The following EXOSC3 variants were observed in gnomAD, a reference collection of about 807,000 sequenced individuals.
EXOSC3 encodes the protein exosome component 3, also known as exosome complex component RRP40.
In EXOSC3, 18 loss-of-function variants were observed where a neutral mutation model predicts 25.1. The ratio of observed to expected loss-of-function variants is 0.72; its 90% CI spans 0.50 to 1.06. EXOSC3 has a LOEUF of 1.06. Ranked by LOEUF, EXOSC3 falls within the 50% of genes least tolerant of loss-of-function variation. The probability of loss-of-function intolerance (pLI) is 0.00; values close to 1 mark genes in which losing one functional copy is unlikely to be tolerated. For synonymous variants in EXOSC3, 165 were observed against 132.2 expected (o/e 1.25, Z -1.70); for missense variants, 382 against 350.9 (o/e 1.09, Z -0.71).
In EXOSC3 at chr9:37,784,770, C is replaced by T; in HGVS notation, c.275G>A (p.Gly92Asp). 3.1e-6 allele frequency: 5 copies of T among 1,605,816 alleles called. No homozygotes were observed. The highest frequency in any genetic ancestry group is 3.4e-6 in the Non-Finnish European group (4 of 1,178,426). The change falls in exon 1 of 4, where the codon GGC (glycine) becomes GAC (aspartate). Residue 92 changes from glycine (G) to aspartate (D), a missense_variant. Coordinates refer to ENST00000327304, the MANE Select transcript of EXOSC3 (RefSeq NM_016042.4). ...GTAAACACCGCCGCCGCTGCCACTG[C>T]CGGGCTCCTTGTGACGGAGGCGGCC... Reference protein sequence around the residue: ...KCGRLRHKEPGSGSGGGVYWV... With the variant: ...KCGRLRHKEPDSGSGGGVYWV...
chr9:37,782,194 T>C (rs932840251), intron 2 of EXOSC3, 57 bp from the exon 3 acceptor site: 77 of 1,589,390 alleles, frequency 4.8e-5, no homozygotes, highest in East Asian at 3.6e-4. Flanking sequence ...GGTGCTACTA[T>C]TGGTTCTTTC....
chr9:37,784,914 C>A lies in EXOSC3; in HGVS notation c.131G>T (p.Gly44Val). The change falls in exon 1 of 4, where the codon GGC becomes GTC. Residue 44 changes from glycine (G) to valine (V), a missense_variant. Gly to Val is a moderately radical substitution (Grantham distance 109). Coordinates refer to ENST00000327304, the MANE Select transcript of EXOSC3 (RefSeq NM_016042.4). ...CGGTCGCTCCACTGCACCCCCAGGG[C>A]CTTCCGCGTCCTCCTGTTCCGGCAG... is the stretch of plus-strand genomic sequence containing the variant. ...LLLPEQEDAE[G>V]PGGAVERPLS... 1 of 1,608,596 alleles carries A rather than the reference C, an allele frequency of 6.2e-7. No individual in the cohort carries two copies. The highest frequency in any genetic ancestry group is 1.1e-5 in the South Asian group (1 of 90,074).
chr9:37,783,585 T>C (rs1828639411), intron 2 of EXOSC3, among the ~76,000 whole-genome samples: 1 of 152,190 alleles, frequency 6.6e-6, no homozygotes, highest in Admixed American at 6.5e-5. Context: ...GTCCCTCCTC[T>C]AAGCCTACAG....
chr9:37,782,418 T>G (rs972721661), intron 2 of EXOSC3, among the ~76,000 whole-genome samples: 7 of 152,230 alleles, frequency 4.6e-5, no homozygotes, highest in African/African-American at 1.4e-4. Context: ...AGCCAATTGT[T>G]TAAACTTACA....
At position 37,784,181 on chromosome 9, in the gene EXOSC3, C is replaced by A. The variant is rs929757562; in HGVS notation, c.325-118G>T. The A allele has an allele frequency of 1.5e-5, 16 of 1,098,432 alleles. No individual in the cohort carries two copies. In the African/African-American group the frequency reaches 2.6e-4, roughly 18 times the overall value. The allele number at this position is 1,098,432 out of a possible 1,614,324, so 68.0% of individuals were successfully genotyped here. On this transcript the variant is annotated intron_variant, in intron 1 of 3. Coordinates refer to ENST00000327304, the MANE Select transcript of EXOSC3 (RefSeq NM_016042.4). ...CATTAAAGAGAAATCTGATCAAATG[C>A]CACTTTCGGTAAAAGAAAATCACTT... is the stretch of plus-strand genomic sequence containing the variant.
rs754046728 is a variant in EXOSC3, at chr9:37,785,040, G to A, written c.5C>T (p.Ala2Val). The part of the protein sequence containing the change: M[A>V]EPASVAAESL... Reference sequence around the variant, plus strand: ...TTCAGCCGCGACAGACGCAGGTTCGGCCATCGCGGGCTCCACCAAACACCG... The same window carrying A: ...TTCAGCCGCGACAGACGCAGGTTCGACCATCGCGGGCTCCACCAAACACCG... The change falls in exon 1 of 4, where the codon GCC (alanine) becomes GTC (valine). Residue 2 changes from alanine to valine, a missense_variant. Physicochemically the swap from Ala to Val is moderately conservative, Grantham distance 64 (BLOSUM62 0). Transcript: ENST00000327304. 41 of 1,594,752 alleles carry A rather than the reference G, an allele frequency of 2.6e-5. No individual in the cohort carries two copies. The highest frequency in any genetic ancestry group is 6.7e-5 in the Admixed American group (4 of 59,508).
At chr9:37,783,480 T>C (rs1355309919) in intron 2 of EXOSC3, among the ~76,000 whole-genome samples, 2 of 152,082 alleles carry the variant, frequency 1.3e-5, no homozygotes, top group Non-Finnish European at 2.9e-5. Context: ...AAAGCTCAAA[T>C]TGAAAACCCA....
intron 2 of EXOSC3, among the ~76,000 whole-genome samples, chr9:37,783,040 T>C (rs765813058): frequency 6.4e-4 from 98 of 152,202 alleles, no homozygotes; most frequent in Non-Finnish European, 1.2e-3. Context: ...GGGAACAGCA[T>C]GTGCAAATAA....
Position 37,784,866 on chromosome 9 carries a change from C to T in EXOSC3, c.179G>A (p.Cys60Tyr). 6.2e-7 allele frequency: 1 copy of T among 1,607,112 alleles called. No homozygotes were observed. Among genetic ancestry groups the T allele is most frequent in the Non-Finnish European group, 8.5e-7 (1 of 1,176,992 alleles). Residue 60 changes from cysteine (C) to tyrosine (Y), a missense_variant, in exon 1 of 4, where the codon TGC becomes TAC. Physicochemically the swap from Cys to Tyr is radical, Grantham distance 194. Coordinates refer to ENST00000327304, the MANE Select transcript of EXOSC3 (RefSeq NM_016042.4). The part of the protein sequence containing the change: ...ERPLSLNARA[C>Y]SRVRVVCGPG... ...ACCGCATACAACGCGCACCCGCGAG[C>T]ACGCTCTAGCATTCAGGCTCAACGG...
Position 37,780,505 on chromosome 9 carries a change from T to C in EXOSC3, c.*174A>G. The C allele has an allele frequency of 1.7e-6, 1 of 598,374 alleles. No individual in the cohort carries two copies. The highest frequency in any genetic ancestry group is 2.2e-5 in the South Asian group (1 of 46,296). 37.1% of individuals were successfully genotyped at this position (598,374 alleles called of 1,614,324 possible). On this transcript the variant is annotated 3_prime_UTR_variant, in exon 4 of 4. Coordinates refer to ENST00000327304, the MANE Select transcript of EXOSC3 (RefSeq NM_016042.4). ...CCGAACAAAAAAAATGATTTTGCAA[T>C]GATTTTCTCTCCCACAAAAGCGTGG... is the stretch of plus-strand genomic sequence containing the variant.
At chr9:37,781,479 C>G (rs1397685377) in intron 3 of EXOSC3, among the ~76,000 whole-genome samples, 1 of 150,996 alleles carries the variant, frequency 6.6e-6, no homozygotes, top group Non-Finnish European at 1.5e-5. Context: ...TTCTAAACAC[C>G]AAAAAGAGAA....
At chr9:37,784,087 A>T (rs779614399) in intron 1 of EXOSC3, 24 bp from the exon 2 acceptor site, 3 of 1,597,244 alleles carry the variant, frequency 1.9e-6, no homozygotes, top group Non-Finnish European at 2.6e-6. Flanking sequence ...CAGAATGAAA[A>T]AACAGCCATA....
intron 1 of EXOSC3, chr9:37,784,446 G>A: frequency 3.7e-6 from 2 of 533,626 alleles, no homozygotes; most frequent in Admixed American, 3.5e-5. Flanking sequence ...TGCCCTCTGA[G>A]ACTCCAAACG....
In EXOSC3 at chr9:37,780,588, CCTTAT is replaced by C. The variant is rs1322097682; in HGVS notation, c.*86_*90del. The C allele has an allele frequency of 3.0e-6, 3 of 1,005,030 alleles. No homozygotes were observed. The highest frequency in any genetic ancestry group is 2.9e-5 in the South Asian group (2 of 69,840). The allele number at this position is 1,005,030 out of a possible 1,614,324, so 62.3% of individuals were successfully genotyped here. On this transcript the variant is annotated 3_prime_UTR_variant, in exon 4 of 4. Transcript: ENST00000327304. ...GACTCTAATAATACATACATTCACA[CCTTAT>C]CTTCTGAGTATTTAAATGGGGGAGG... is the stretch of plus-strand genomic sequence containing the variant.
rs1301949923 is a variant in EXOSC3 at position 37,784,366 on chromosome 9, T to TC, written c.325-304dup. On this transcript the variant is annotated intron_variant, in intron 1 of 3. Coordinates refer to ENST00000327304, the MANE Select transcript of EXOSC3 (RefSeq NM_016042.4). Reference sequence around the variant, plus strand: ...GAAGCCCATTCCATAGACAATTTTTTCTATATGAAATTCTTACCTGTTCTA... The same window carrying TC: ...GAAGCCCATTCCATAGACAATTTTTTCCTATATGAAATTCTTACCTGTTCTA... The TC allele has an allele frequency of 1.3e-5, 6 of 468,230 alleles. No homozygotes were observed. In the Admixed American group the frequency reaches 2.3e-4, roughly 18 times the overall value. The allele number at this position is 468,230 out of a possible 1,614,324, so 29.0% of individuals were successfully genotyped here.
Position 37,780,750 on chromosome 9 carries a change from T to C in EXOSC3, c.757A>G (p.Ile253Val), listed in dbSNP as rs62640004. Residue 253 changes from isoleucine to valine, a missense_variant, in exon 4 of 4, where the codon ATT becomes GTT. Ile to Val is a conservative substitution (Grantham distance 29). Transcript: ENST00000327304. ...TIQQTLILAN[I>V]LEACEHMTSD... ...GTCATGTGTTCACAAGCTTCTAAAATGTTTGCCAAAATTAAAGTCTGCTGG... is the reference window on the plus strand; with the variant it reads ...GTCATGTGTTCACAAGCTTCTAAAACGTTTGCCAAAATTAAAGTCTGCTGG... The C allele has an allele frequency of 3.4e-4, 551 of 1,614,072 alleles. 1 individual carries two copies. In the African/African-American group the frequency reaches 6.2e-3, roughly 18 times the overall value.
At chr9:37,784,472 G>A (rs1034936202) in intron 1 of EXOSC3, 2 of 558,046 alleles carry the variant, frequency 3.6e-6, no homozygotes, top group African/African-American at 1.9e-5. Context: ...CCTGCTGTGG[G>A]GTTTTGAAGA....
chr9:37,784,894 G>A lies in EXOSC3; in HGVS notation c.151C>T (p.Arg51Ter), dbSNP rs114878910. Residue 51 changes from arginine (R) to a stop codon, truncating the protein, a stop_gained, in exon 1 of 4, where the codon CGA becomes TGA. Coordinates refer to ENST00000327304, the MANE Select transcript of EXOSC3 (RefSeq NM_016042.4). LOFTEE classifies it high-confidence loss of function. The stretch of plus-strand genomic sequence containing the variant: ...GCTCTAGCATTCAGGCTCAACGGTC[G>A]CTCCACTGCACCCCCAGGGCCTTCC... ...DAEGPGGAVE[R>*]PLSLNARACS... The A allele has an allele frequency of 2.5e-6, 4 of 1,606,604 alleles. No individual in the cohort carries two copies. The highest frequency in any genetic ancestry group is 1.3e-5 in the African/African-American group (1 of 74,828).
intron 1 of EXOSC3, 152 bp from the exon 2 acceptor site, chr9:37,784,215 G>A (rs1427217033): frequency 3.6e-6 from 3 of 826,036 alleles, no homozygotes; most frequent in Non-Finnish European, 5.5e-6. Flanking sequence ...TTCATAAAGT[G>A]CCGGGTGTGC....
Sources: allele counts gnomAD v4.1 joint callset (sites outside exome capture counted in the v4.1 genomes callset), GRCh38; gene constraint gnomAD v4.1.1; transcripts MANE v1.5; gene names NCBI Gene and HGNC (gene_info 2026-07-23, HGNC 2026-07-21).